MUCL1: variants seen among roughly 807,000 people sequenced by gnomAD.
The protein encoded by MUCL1 is mucin like 1.
A neutral mutation model predicts 9.2 loss-of-function variants in MUCL1; 11 were observed. The ratio of observed to expected loss-of-function variants is 1.19; its 90% CI spans 0.75 to 1.97. The LOEUF (loss-of-function observed/expected upper bound fraction) is 1.97, where lower values mean the gene tolerates loss of function less well. Among genes scored for constraint, MUCL1 ranks in the 30% most tolerant of loss-of-function variants. The pLI is 0.00. For synonymous variants in MUCL1, 48 were observed against 40.5 expected (o/e 1.19, Z -0.71); for missense variants, 144 against 110.9 (o/e 1.30, Z -1.34).
At chr12:54,834,589 A>G (rs888259978), upstream of MUCL1, among the ~76,000 whole-genome samples, 1 of 152,058 alleles carries the variant, frequency 6.6e-6, no homozygotes, top group Non-Finnish European at 1.5e-5. Flanking sequence ...TTCTCTTTAC[A>G]TAGTTACTAT....
chr12:54,851,796 G>A (rs541630398), upstream of MUCL1, among the ~76,000 whole-genome samples: 1 of 152,258 alleles, frequency 6.6e-6, no homozygotes, highest in Admixed American at 6.5e-5. Context: ...AAGCTGATAA[G>A]CAACTTCAGC....
intron 1 of MUCL1, among the ~76,000 whole-genome samples, chr12:54,844,947 G>A (rs919540906): frequency 6.6e-6 from 1 of 152,184 alleles, no homozygotes; most frequent in African/African-American, 2.4e-5. Flanking sequence ...TGAAGAAGCT[G>A]GGTAAGGCAC....
chr12:54,841,612 A>G (rs1959212370), intron 1 of MUCL1, among the ~76,000 whole-genome samples: 1 of 152,168 alleles, frequency 6.6e-6, no homozygotes, highest in African/African-American at 2.4e-5. Context: ...ACACCTTTTC[A>G]AATCCTTGTT....
At chr12:54,856,940 T>A in intron 3 of MUCL1, 48 bp downstream of exon 3, 2 of 1,611,264 alleles carry the variant, frequency 1.2e-6, no homozygotes, top group Non-Finnish European at 1.7e-6. Flanking sequence ...GGCTCCTTGA[T>A]TCCTTGGGTT....
chr12:54,844,375 A>G (rs1297303739), intron 1 of MUCL1, among the ~76,000 whole-genome samples: 1 of 152,124 alleles, frequency 6.6e-6, no homozygotes, highest in Non-Finnish European at 1.5e-5. Flanking sequence ...CAATGCCCTT[A>G]TGATTCCTAG....
At chr12:54,839,260 G>A (rs1183076344), upstream of MUCL1, 1 of 659,424 alleles carries the variant, frequency 1.5e-6, no homozygotes, top group Non-Finnish European at 2.7e-6. Flanking sequence ...AGTACAATAT[G>A]CTTGGTGTGT....
At chr12:54,831,494 A>C (rs1048478745) in intron 1 of MUCL1, among the ~76,000 whole-genome samples, 14 of 152,110 alleles carry the variant, frequency 9.2e-5, no homozygotes, top group African/African-American at 3.1e-4. Flanking sequence ...ATATAAGGTT[A>C]AAATAGTTAA....
At chr12:54,840,286 A>G (rs1673226947) in intron 1 of MUCL1, among the ~76,000 whole-genome samples, 1 of 152,236 alleles carries the variant, frequency 6.6e-6, no homozygotes, top group Admixed American at 6.5e-5. Flanking sequence ...TGGCTTTCTC[A>G]AATACCAGCT....
chr12:54,839,261 C>A (rs67598707), upstream of MUCL1: 3 of 659,058 alleles, frequency 4.6e-6, no homozygotes, highest in Non-Finnish European at 8.3e-6. Context: ...GTACAATATG[C>A]TTGGTGTGTG....
intron 1 of MUCL1, among the ~76,000 whole-genome samples, chr12:54,846,768 G>A (rs1959263238): frequency 2.0e-5 from 1 of 49,406 alleles, no homozygotes; most frequent in Non-Finnish European, 4.9e-5. Context: ...TTTCATCATA[G>A]GAAGTGCCTG....
At chr12:54,843,882 G>T (rs1458922919) in intron 1 of MUCL1, among the ~76,000 whole-genome samples, 1 of 152,092 alleles carries the variant, frequency 6.6e-6, no homozygotes, top group Non-Finnish European at 1.5e-5. Flanking sequence ...TAAGTTGGTG[G>T]TAATTTGTTA....
upstream of MUCL1, among the ~76,000 whole-genome samples, chr12:54,854,012 T>G (rs1868277634): frequency 6.6e-6 from 1 of 152,238 alleles, no homozygotes; most frequent in Admixed American, 6.5e-5. Context: ...TGCACCAGTG[T>G]CAGATGACCT....
upstream of MUCL1, among the ~76,000 whole-genome samples, chr12:54,852,739 A>G (rs920061122): frequency 2.0e-5 from 3 of 152,148 alleles, no homozygotes; most frequent in Admixed American, 2.0e-4. Flanking sequence ...AGACCCTTCA[A>G]TTTGTGTCAG....
intron 1 of MUCL1, among the ~76,000 whole-genome samples, chr12:54,849,489 G>A (rs969165760): frequency 6.6e-6 from 1 of 151,940 alleles, no homozygotes; most frequent in Non-Finnish European, 1.5e-5. Flanking sequence ...TAATGGGAAA[G>A]AGCAGTAGTA....
chr12:54,854,794 G>A lies in MUCL1; in HGVS notation c.58+154G>A, dbSNP rs2291459. On this transcript the variant is annotated intron_variant, in intron 1 of 3. Transcript: ENST00000308796. ...TTGACTGACCGTTCAAGATGGAGAT[G>A]GTTATCCTTAGGCTCTTCTTAATTC... is the stretch of plus-strand genomic sequence containing the variant. Among the ~76,000 whole-genome samples the A allele has an allele frequency of 4.6e-5, 7 of 152,198 alleles. No individual in the cohort carries two copies. In the East Asian group the frequency reaches 1.3e-3, roughly 29 times the overall value.
At chr12:54,852,061 T>C (rs185280668), upstream of MUCL1, among the ~76,000 whole-genome samples, 1,539 of 152,256 alleles carry the variant, frequency 0.01, 28 homozygotes, top group African/African-American at 0.035. Flanking sequence ...GAATCAATAT[T>C]GTGAAAATGG....
chr12:54,842,523 A>G (rs1959217342), intron 1 of MUCL1, among the ~76,000 whole-genome samples: 1 of 152,022 alleles, frequency 6.6e-6, no homozygotes, highest in Non-Finnish European at 1.5e-5. Context: ...CTTAAAATAT[A>G]CTCTCAGGCC....
At chr12:54,846,738 T>A (rs1959262538) in intron 1 of MUCL1, among the ~76,000 whole-genome samples, 1 of 129,814 alleles carries the variant, frequency 7.7e-6, no homozygotes, top group African/African-American at 2.7e-5. Flanking sequence ...CACAGAGCTC[T>A]GGAAAGAACT....
chr12:54,856,787 G>T lies in MUCL1; in HGVS notation c.118G>T (p.Glu40Ter), dbSNP rs768368179. The change falls in exon 3 of 4, where the codon GAA (glutamate) becomes TAA (stop). Residue 40 changes from glutamate to a stop codon, truncating the protein, a stop_gained. Coordinates refer to ENST00000308796, the MANE Select transcript of MUCL1 (RefSeq NM_058173.3). LOFTEE classifies it high-confidence loss of function. Reference protein sequence around the residue: ...TYPATGPADDEAPDAETTAAA... With the variant: ...TYPATGPADD Reference sequence around the variant, plus strand: ...AATTTCAGCTGGTCCTGCTGATGATGAAGCCCCTGATGCTGAAACCACTGC... The same window carrying T: ...AATTTCAGCTGGTCCTGCTGATGATTAAGCCCCTGATGCTGAAACCACTGC... 1 of 1,612,714 alleles carries T rather than the reference G, an allele frequency of 6.2e-7. No individual in the cohort carries two copies. The highest frequency in any genetic ancestry group is 8.5e-7 in the Non-Finnish European group (1 of 1,179,426).
Sources: allele counts gnomAD v4.1 joint callset (sites outside exome capture counted in the v4.1 genomes callset), GRCh38; gene constraint gnomAD v4.1.1; transcripts MANE v1.5; gene names NCBI Gene and HGNC (gene_info 2026-07-23, HGNC 2026-07-21).